TMEM164: variants seen among roughly 807,000 people sequenced by gnomAD.
TMEM164 encodes RP13-360B22.2.
Under a neutral mutation model 18.8 loss-of-function variants are expected in TMEM164, and 4 were observed. The ratio of observed to expected loss-of-function variants is 0.21; its 90% confidence interval spans 0.10 to 0.49. TMEM164 has a LOEUF of 0.49. TMEM164 is among the 20% of genes least tolerant of loss of function. The probability of loss-of-function intolerance (pLI) is 0.98; values close to 1 mark genes in which losing one functional copy is unlikely to be tolerated. For synonymous variants in TMEM164, 86 were observed against 101.7 expected (o/e 0.85, Z 0.93); for missense variants, 108 against 239.9 (o/e 0.45, Z 3.63).
At chrX:110,124,172 A>AAGGAAGGCAGGCAGGC (rs1569339657) in intron 4 of TMEM164, among the ~76,000 whole-genome samples, 162 of 83,965 alleles carry the variant, frequency 1.9e-3, no homozygotes, top group African/African-American at 8.1e-3. Flanking sequence ...GGAAGGAAGG[A>AAGGAAGGCAGGCAGGC]AGGAAGGCAG....
At chrX:110,022,199 A>ATGTGTGTGTGTGTGTGTG (rs754713777) in intron 2 of TMEM164, among the ~76,000 whole-genome samples, 69 of 107,613 alleles carry the variant, frequency 6.4e-4, no homozygotes, top group African/African-American at 2.2e-3. Flanking sequence ...ACCACTAGAA[A>ATGTGTGTGTGTGTGTGTG]TGTGTGTGTG....
intron 3 of TMEM164, among the ~76,000 whole-genome samples, chrX:110,078,123 A>T (rs1213330661): frequency 8.9e-6 from 1 of 112,054 alleles, no homozygotes; most frequent in East Asian, 2.8e-4. Context: ...TTATTACATA[A>T]TCCCATATAT....
intron 2 of TMEM164, among the ~76,000 whole-genome samples, chrX:110,023,215 C>T (rs1934002148): frequency 8.9e-6 from 1 of 111,977 alleles, no homozygotes; most frequent in African/African-American, 3.2e-5. Flanking sequence ...GCTAATTTTC[C>T]CTTTACTGAG....
At chrX:110,115,772 A>G (rs1344768089) in intron 4 of TMEM164, among the ~76,000 whole-genome samples, 1 of 111,997 alleles carries the variant, frequency 8.9e-6, no homozygotes, top group Non-Finnish European at 1.9e-5. Context: ...AGTTATGGCA[A>G]TATTAAAGTT....
At position 110,085,890 on chromosome X, in the gene TMEM164, G is replaced by C. The variant is rs149673674; in HGVS notation, c.440+18494G>C. ...AGAGTCTCCATGTGAATGTAGACCAGTTTTGAGAATTGCTGATTTCCTCTG... is the reference window on the plus strand; with the variant it reads ...AGAGTCTCCATGTGAATGTAGACCACTTTTGAGAATTGCTGATTTCCTCTG... On this transcript the variant is annotated intron_variant, in intron 3 of 6. Transcript: ENST00000372068. Among the ~76,000 whole-genome samples the C allele has an allele frequency of 1.7e-3, 196 of 112,029 alleles. 4 individuals are homozygous for C. The East Asian group carries it at 0.053, about 30-fold the overall frequency.
chrX:110,172,329 C>T (rs2067242326), intron 6 of TMEM164, among the ~76,000 whole-genome samples: 4 of 111,934 alleles, frequency 3.6e-5, no homozygotes, highest in Admixed American at 1.9e-4. Flanking sequence ...GGGCAGGTGT[C>T]GCATGTCTGG....
intron 3 of TMEM164, chrX:110,082,330 G>A (rs995795926): frequency 1.8e-5 from 2 of 113,366 alleles, no homozygotes; most frequent in South Asian, 3.6e-4. Flanking sequence ...ACATAGCAGC[G>A]TCAGAGTTGT....
At chrX:110,042,855 C>T (rs1189189635) in intron 2 of TMEM164, among the ~76,000 whole-genome samples, 2 of 112,196 alleles carry the variant, frequency 1.8e-5, no homozygotes, top group African/African-American at 6.5e-5. Context: ...GTTCTTTGCC[C>T]ATTTTTTGAA....
chrX:110,008,497 G>A, intron 2 of TMEM164, among the ~76,000 whole-genome samples: 1 of 111,483 alleles, frequency 9.0e-6, no homozygotes, highest in Middle Eastern at 4.6e-3. Flanking sequence ...ATCAGTCCAG[G>A]GGGATACAAG....
chrX:110,103,831 G>A (rs959696744), intron 3 of TMEM164, among the ~76,000 whole-genome samples: 1 of 111,365 alleles, frequency 9.0e-6, no homozygotes, highest in African/African-American at 3.3e-5. Context: ...GTTATTCAGG[G>A]GTTACAGTAT....
At position 110,173,515 on chromosome X, in the gene TMEM164, C is replaced by A; in HGVS notation, c.*64C>A. 1.0e-6 allele frequency: 1 copy of A among 978,381 alleles called. No homozygotes were observed. The highest frequency in any genetic ancestry group is 2.6e-5 in the Admixed American group (1 of 38,145). The allele number at this position is 978,381 out of a possible 1,213,427, so 80.6% of individuals were successfully genotyped here. A position where few individuals can be genotyped will look rare whatever the true frequency, so the allele number is the denominator to read the frequency against. ...AAGTCGTGACTTGACTTGGAGAACA[C>A]CCAGTTCTTGATAAAATCATGGGAG... is the stretch of plus-strand genomic sequence containing the variant. On this transcript the variant is annotated 3_prime_UTR_variant, in exon 7 of 7. Transcript: ENST00000372068.
chrX:110,043,837 G>A (rs1935197737), intron 2 of TMEM164, among the ~76,000 whole-genome samples: 1 of 111,427 alleles, frequency 9.0e-6, no homozygotes, highest in Admixed American at 9.5e-5. Flanking sequence ...AATAACAATG[G>A]GATGATTCCT....
At chrX:110,092,639 A>C (rs1482242182) in intron 3 of TMEM164, among the ~76,000 whole-genome samples, 1 of 111,914 alleles carries the variant, frequency 8.9e-6, no homozygotes, top group Non-Finnish European at 1.9e-5. Flanking sequence ...TAAATATACA[A>C]TCATGTCATC....
intron 4 of TMEM164, among the ~76,000 whole-genome samples, chrX:110,119,844 T>C (rs2066425014): frequency 8.9e-6 from 1 of 111,993 alleles, no homozygotes; most frequent in Admixed American, 9.5e-5. Flanking sequence ...CCCTTGTTGA[T>C]GTTAGTCTTT....
At chrX:110,180,581 G>A (rs777421821), downstream of TMEM164, among the ~76,000 whole-genome samples, 11 of 110,435 alleles carry the variant, frequency 1.0e-4, no homozygotes, top group Non-Finnish European at 1.9e-4. Flanking sequence ...AAGAGCCAGG[G>A]AGGCAGTAGG....
intron 2 of TMEM164, among the ~76,000 whole-genome samples, chrX:110,021,607 A>G (rs890181478): frequency 7.2e-5 from 8 of 111,583 alleles, no homozygotes; most frequent in Non-Finnish European, 1.1e-4. Flanking sequence ...ATGAGGAAAC[A>G]TCAGTGTGAA....
chrX:110,088,393 G>A lies in TMEM164; in HGVS notation c.441-20687G>A, dbSNP rs143449540. On this transcript the variant is annotated intron_variant, in intron 3 of 6. Transcript: ENST00000372068. Reference sequence around the variant, plus strand: ...TCGGAGGTGGCTGCTTTTTGGCTTAGCGTTGGACTCATCACTGAAAAAGAT... The same window carrying A: ...TCGGAGGTGGCTGCTTTTTGGCTTAACGTTGGACTCATCACTGAAAAAGAT... Among the ~76,000 whole-genome samples the A allele has an allele frequency of 4.2e-3, 473 of 112,025 alleles. 1 individual carries two copies. Among genetic ancestry groups the A allele is most frequent in the African/African-American group, 0.014 (435 of 30,820 alleles).
chrX:110,039,612 G>C (rs184086290), intron 2 of TMEM164, among the ~76,000 whole-genome samples: 1 of 112,160 alleles, frequency 8.9e-6, no homozygotes, highest in East Asian at 2.8e-4. Context: ...CAGTGTGGGA[G>C]TGAGGGCGGG....
intron 5 of TMEM164, among the ~76,000 whole-genome samples, chrX:110,153,925 T>C (rs2066980812): frequency 8.9e-6 from 1 of 112,139 alleles, no homozygotes; most frequent in Non-Finnish European, 1.9e-5. Flanking sequence ...CCTAATACAA[T>C]GTAAATGCTA....
Sources: allele counts gnomAD v4.1 joint callset (sites outside exome capture counted in the v4.1 genomes callset), GRCh38; gene constraint gnomAD v4.1.1; transcripts MANE v1.5; gene names NCBI Gene and HGNC (gene_info 2026-07-23, HGNC 2026-07-21).